Variants in MUC4 observed in about 807,000 individuals in gnomAD.
MUC4 encodes the protein mucin 4, cell surface associated.
In MUC4, 202 loss-of-function variants were observed where a neutral mutation model predicts 257.9. The ratio of observed to expected loss-of-function variants is 0.78; its 90% CI spans 0.70 to 0.88. The LOEUF is 0.88. MUC4 is among the 40% of genes least tolerant of loss of function. The probability of loss-of-function intolerance (pLI) is 0.00; values close to 1 mark genes in which losing one functional copy is unlikely to be tolerated. For missense variants in MUC4, 5,976 were observed against 6,513.7 expected (o/e 0.92, Z 2.84); for synonymous variants, 2,351 against 2,757.1 (o/e 0.85, Z 4.62).
chr3:195,773,030 G>C (rs1446895562), intron 4 of MUC4, among the ~76,000 whole-genome samples: 1 of 137,384 alleles, frequency 7.3e-6, no homozygotes, highest in South Asian at 2.3e-4. Flanking sequence ...CATCGCTCAG[G>C]GGTGTAGACA....
intron 14 of MUC4, 95 bp from the exon 15 acceptor site, chr3:195,761,680 T>TA: frequency 1.1e-6 from 1 of 942,616 alleles, no homozygotes; most frequent in South Asian, 1.4e-5. Flanking sequence ...GGCCAGGGCC[T>TA]GGCAGCCTCT....
rs142159043 is a variant in MUC4 at position 195,760,954 on chromosome 3, C to A, written c.14778G>T (p.Leu4926=). ...DSSCIYDTLA[L]RNASIGLHTR... ...TGTGAAGTCCGATGCTTGCGTTGCG[C>A]AGGGCCAGGGTGTCATAGATGCATG... Residue 4926 remains leucine (L), a synonymous_variant, in exon 16 of 25, where the codon CTG becomes CTT. Transcript: ENST00000463781. 4.3e-4 allele frequency: 699 copies of A among 1,614,224 alleles called. No homozygotes were observed. The highest frequency in any genetic ancestry group is 4.6e-4 in the Non-Finnish European group (544 of 1,180,032).
At chr3:195,768,846 T>C (rs1722181188) in intron 7 of MUC4, among the ~76,000 whole-genome samples, 176 bp downstream of exon 7, 1 of 152,156 alleles carries the variant, frequency 6.6e-6, no homozygotes, top group Non-Finnish European at 1.5e-5. Flanking sequence ...TGGGTGATCT[T>C]GTCGTGGGAA....
chr3:195,786,381 G>A lies in MUC4; in HGVS notation c.5199C>T (p.Ser1733=), dbSNP rs756198576. ...TGDTTPLPVT[S]PSSASTGHAS... ...CGTGACCTGTGGATGCTGAGGAAGG[G>A]CTAGTGACAGGAAGAGGCGTGGTGT... The change falls in exon 2 of 25, where the codon AGC becomes AGT. Residue 1733 remains serine (S), a synonymous_variant. Coordinates refer to ENST00000463781, the MANE Select transcript of MUC4 (RefSeq NM_018406.7). 12 of 1,528,352 alleles carry A rather than the reference G, an allele frequency of 7.9e-6. No individual in the cohort carries two copies. The Admixed American group carries it at 2.0e-4, about 26-fold the overall frequency. The allele number at this position is 1,528,352 out of a possible 1,614,324, so 94.7% of individuals were successfully genotyped here. A position where few individuals can be genotyped will look rare whatever the true frequency, so the allele number is the denominator to read the frequency against.
At position 195,786,704 on chromosome 3, in the gene MUC4, A is replaced by G. The variant is rs1282061144; in HGVS notation, c.4876T>C (p.Ser1626Pro). Residue 1626 changes from serine (S) to proline (P), a missense_variant, in exon 2 of 25, where the codon TCC becomes CCC. By Grantham distance (74) the Ser-to-Pro change is moderately conservative (BLOSUM62 -1). This residue lies in a region of MUC4 where 61 missense variants were observed against 100.2 expected (regional missense o/e 0.61). Transcript: ENST00000463781. ...PLPVTDTSSA[S>P]TGDTTPLPVT... is the part of the protein sequence containing the mutation. ...GGAAGAGGGGTGGTGTCACCTGTGG[A>G]TGCTGAGGAAGTGTCGGTGACAGGA... 6.5e-7 allele frequency: 1 copy of G among 1,530,754 alleles called. No individual in the cohort carries two copies. 94.8% of individuals were successfully genotyped at this position (1,530,754 alleles called of 1,614,324 possible). A position where few individuals can be genotyped will look rare whatever the true frequency, so the allele number is the denominator to read the frequency against.
At position 195,779,687 on chromosome 3, in the gene MUC4, G is replaced by C. The variant is rs572850344; in HGVS notation, c.11893C>G (p.His3965Asp). 6.6e-3 allele frequency: 7,924 copies of C among 1,195,770 alleles called. 42 individuals carry two copies. Among genetic ancestry groups the C allele is most frequent in the Middle Eastern group, 9.1e-3 (29 of 3,184 alleles). 74.1% of individuals were successfully genotyped at this position (1,195,770 alleles called of 1,614,324 possible). Reference protein sequence around the residue: ...VTDTSSVSTGHATSLPVTSRS... With the variant: ...VTDTSSVSTGDATSLPVTSRS... ...CTGGTGACAGGAAGAGAGGTGGCGT[G>C]ACCTGTGGATACTGAGGAAGTGTCG... The change falls in exon 2 of 25, where the codon CAC (histidine) becomes GAC (aspartate). Residue 3965 changes from histidine to aspartate, a missense_variant. This residue lies in a region of MUC4 where 293 missense variants were observed against 294.5 expected (regional missense o/e 1.00). Coordinates refer to ENST00000463781, the MANE Select transcript of MUC4 (RefSeq NM_018406.7).
At chr3:195,767,489 CCAT>C (rs1159100270) in intron 7 of MUC4, among the ~76,000 whole-genome samples, 11 of 137,822 alleles carry the variant, frequency 8.0e-5, no homozygotes, top group Admixed American at 1.5e-4. Context: ...ATCACCACCA[CCAT>C]CACCATCACC....
At position 195,783,610 on chromosome 3, in the gene MUC4, A is replaced by G; in HGVS notation, c.7970T>C (p.Leu2657Pro). The change falls in exon 2 of 25, where the codon CTT becomes CCT. Residue 2657 changes from leucine to proline, a missense_variant. This residue lies in a region of MUC4 where 75 missense variants were observed against 58.7 expected (regional missense o/e 1.28). Transcript: ENST00000463781. ...TACTGAGGAAAGGCTGGTGACAGGA[A>G]GAGGGGTGGCCTGACCTGTGGATGC... ...SSASTGQATPLPVTSLSSVST... is the reference protein window; with the variant it reads ...SSASTGQATPPPVTSLSSVST... 1 of 353,886 alleles carries G rather than the reference A, an allele frequency of 2.8e-6. No homozygotes were observed. The highest frequency in any genetic ancestry group is 4.9e-6 in the Non-Finnish European group (1 of 204,250). 21.9% of individuals were successfully genotyped at this position (353,886 alleles called of 1,614,324 possible). A position where few individuals can be genotyped will look rare whatever the true frequency, so the allele number is the denominator to read the frequency against.
At chr3:195,798,410 A>AT in intron 1 of MUC4, among the ~76,000 whole-genome samples, 1 of 152,284 alleles carries the variant, frequency 6.6e-6, no homozygotes, top group African/African-American at 2.4e-5. Context: ...GCTTTAAAAA[A>AT]TATATAGTTT....
chr3:195,791,390 T>C lies in MUC4; in HGVS notation c.190A>G (p.Arg64Gly). The C allele has an allele frequency of 6.2e-7, 1 of 1,614,036 alleles. No homozygotes were observed. Among genetic ancestry groups the C allele is most frequent in the Non-Finnish European group, 8.5e-7 (1 of 1,179,892 alleles). The change falls in exon 2 of 25, where the codon AGG becomes GGG. Residue 64 changes from arginine to glycine, a missense_variant. By Grantham distance (125) the Arg-to-Gly change is moderately radical. Coordinates refer to ENST00000463781, the MANE Select transcript of MUC4 (RefSeq NM_018406.7). ...GCTGATATGTCCTGATTAGAGGTCC[T>C]TGAAGAAGCTGCAGTTGATTGTCCC... ...LEGQSTAASSRTSNQDISASS... is the reference protein window; with the variant it reads ...LEGQSTAASSGTSNQDISASS...
chr3:195,796,837 C>G lies in MUC4; in HGVS notation c.83-5340G>C, dbSNP rs1003430207. ...GTTTGGAACAGGAGGAAATGATCTA[C>G]TAATAATTTTATAAGGTTGGAAACC... On this transcript the variant is annotated intron_variant, in intron 1 of 24. Transcript: ENST00000463781. 2.6e-5 allele frequency among the ~76,000 whole-genome samples: 4 copies of G among 152,106 alleles called. No individual in the cohort carries two copies. In the East Asian group the frequency reaches 5.8e-4, roughly 22 times the overall value.
rs1239970718 is a variant in MUC4 at position 195,791,499 on chromosome 3, T to G, written c.83-2A>C. On this transcript the variant is annotated splice_acceptor_variant, in intron 1 of 24. Coordinates refer to ENST00000463781, the MANE Select transcript of MUC4 (RefSeq NM_018406.7). LOFTEE classifies it high-confidence loss of function. ...TTATTAATGTGTCCTCTGTGGTTCC[T>G]GGAGTGAACCAAAATAGGCAAGCAG... 1 of 1,600,278 alleles carries G rather than the reference T, an allele frequency of 6.2e-7. No homozygotes were observed. The highest frequency in any genetic ancestry group is 1.7e-4 in the Middle Eastern group (1 of 5,976).
At chr3:195,762,531 GGGCCCTGCACCGCAACGCACCC>G (rs1560245966) in intron 13 of MUC4, among the ~76,000 whole-genome samples, 13 of 93,866 alleles carry the variant, frequency 1.4e-4, no homozygotes, top group Admixed American at 3.2e-4. Flanking sequence ...GCCACGCACC[GGGCCCTGCACCGCAACGCACCC>G]GGCCCTGCAC....
At chr3:195,796,219 A>AT (rs1399456273) in intron 1 of MUC4, among the ~76,000 whole-genome samples, 1 of 151,968 alleles carries the variant, frequency 6.6e-6, no homozygotes, top group East Asian at 1.9e-4. Context: ...AGTAGCTGGG[A>AT]TTACAGGCGC....
chr3:195,761,864 C>A (rs1719003827), intron 14 of MUC4, among the ~76,000 whole-genome samples: 1 of 152,148 alleles, frequency 6.6e-6, no homozygotes, highest in Admixed American at 6.5e-5. Context: ...CGCCTCCCCG[C>A]AGCCCCCCCT....
chr3:195,757,134 T>A lies in MUC4; in HGVS notation c.15168+13A>T, dbSNP rs1246631833. Reference sequence around the variant, plus strand: ...TCGGCACAGAAACTCCTCCCCCACCTCCCAACACTCACCTCCAGGGAGGAG... The same window carrying A: ...TCGGCACAGAAACTCCTCCCCCACCACCCAACACTCACCTCCAGGGAGGAG... On this transcript the variant is annotated intron_variant, in intron 18 of 24. Transcript: ENST00000463781. The surrounding 1 kb of genome is among the most constrained non-coding windows in gnomAD (Gnocchi z 4.8). 6.3e-7 allele frequency: 1 copy of A among 1,584,934 alleles called. No homozygotes were observed. The highest frequency in any genetic ancestry group is 2.3e-5 in the East Asian group (1 of 44,052).
rs759006031 is a variant in MUC4 at position 195,768,993 on chromosome 3, C to T, written c.13529+29G>A. Reference sequence around the variant, plus strand: ...ACTCTACACCCCTCCCTGCCAACTGCTCAGTGCTGACAGCCCCTCCCATCC... The same window carrying T: ...ACTCTACACCCCTCCCTGCCAACTGTTCAGTGCTGACAGCCCCTCCCATCC... On this transcript the variant is annotated intron_variant, in intron 7 of 24. Transcript: ENST00000463781. 1.9e-6 allele frequency: 3 copies of T among 1,601,812 alleles called. No homozygotes were observed. The Admixed American group carries it at 5.0e-5, about 27-fold the overall frequency.
At chr3:195,754,898 T>TGTATACATGTATCC (rs1560227220) in intron 18 of MUC4, among the ~76,000 whole-genome samples, 2 of 49,204 alleles carry the variant, frequency 4.1e-5, no homozygotes, top group Non-Finnish European at 9.7e-5. Flanking sequence ...TGTATCCATG[T>TGTATACATGTATCC]ATGTATGTGT....
In MUC4 at chr3:195,757,196, C is replaced by G. The variant is rs762713854; in HGVS notation, c.15119G>C (p.Ser5040Thr). ...GCTGGTCTGATTGTACAAACACTGGCTCTCTGCATTGCAATGGCAGACCAC... is the reference window on the plus strand; with the variant it reads ...GCTGGTCTGATTGTACAAACACTGGGTCTCTGCATTGCAATGGCAGACCAC... ...RTVVCHCNAE[S>T]QCLYNQTSRV... The change falls in exon 18 of 25, where the codon AGC (serine) becomes ACC (threonine). Residue 5040 changes from serine (S) to threonine (T), a missense_variant. Physicochemically the swap from Ser to Thr is moderately conservative, Grantham distance 58 (BLOSUM62 1). Around this residue, in one of 44 missense-constraint regions of MUC4, gnomAD observed 996 missense variants for 1,137.3 expected, o/e 0.88. Coordinates refer to ENST00000463781, the MANE Select transcript of MUC4 (RefSeq NM_018406.7). The surrounding 1 kb of genome is among the most constrained non-coding windows in gnomAD (Gnocchi z 4.8). 13 of 1,612,478 alleles carry G rather than the reference C, an allele frequency of 8.1e-6. No homozygotes were observed. Among genetic ancestry groups the G allele is most frequent in the Non-Finnish European group, 1.1e-5 (13 of 1,178,734 alleles).
Sources: allele counts gnomAD v4.1 joint callset (sites outside exome capture counted in the v4.1 genomes callset), GRCh38; gene constraint gnomAD v4.1.1; regional missense constraint gnomAD v4.1.1; non-coding constraint Gnocchi (gnomAD v3.1); transcripts MANE v1.5; gene names NCBI Gene and HGNC (gene_info 2026-07-23, HGNC 2026-07-21).